The following WWOX variants were observed in gnomAD, a reference collection of about 807,000 sequenced individuals.
WWOX encodes WW domain containing oxidoreductase.
Under a neutral mutation model 46.2 loss-of-function variants are expected in WWOX, and 69 were observed. The observed-to-expected ratio is 1.49, with a 90% CI of 1.23 to 1.82. The LOEUF (loss-of-function observed/expected upper bound fraction) is 1.82, where lower values mean the gene tolerates loss of function less well. WWOX is among the 40% of genes most tolerant of loss of function. WWOX has a pLI of 0.00. For missense variants in WWOX, 919 were observed against 542.6 expected (o/e 1.69, Z -6.89); for synonymous variants, 359 against 202.6 (o/e 1.77, Z -6.56).
chr16:78,583,675 G>A (rs2045119252), intron 8 of WWOX, among the ~76,000 whole-genome samples: 1 of 152,214 alleles, frequency 6.6e-6, no homozygotes, highest in African/African-American at 2.4e-5. Flanking sequence ...TCAGGCAGCG[G>A]GTTGGGGGGG....
intron 5 of WWOX, among the ~76,000 whole-genome samples, chr16:78,324,129 C>G (rs375415524): frequency 6.6e-5 from 10 of 152,174 alleles, no homozygotes; most frequent in African/African-American, 2.4e-4. Flanking sequence ...CGTCTGTCTG[C>G]TTGATTCCAA....
At chr16:78,332,419 G>A (rs565000133) in intron 5 of WWOX, among the ~76,000 whole-genome samples, 8 of 152,266 alleles carry the variant, frequency 5.3e-5, no homozygotes, top group African/African-American at 9.6e-5. Context: ...CTCCTCCAGC[G>A]GAGTAGCCTG....
At chr16:78,435,438 A>C (rs557376721) in intron 8 of WWOX, among the ~76,000 whole-genome samples, 126 of 152,322 alleles carry the variant, frequency 8.3e-4, no homozygotes, top group African/African-American at 3.0e-3. Flanking sequence ...TGGGAGAAAC[A>C]AATGTCCTCT....
At chr16:78,977,301 C>T (rs944036520) in intron 8 of WWOX, among the ~76,000 whole-genome samples, 32 of 152,160 alleles carry the variant, frequency 2.1e-4, no homozygotes, top group African/African-American at 6.5e-4. Context: ...AATGGCCTCC[C>T]ACAGGGAAGC....
chr16:78,587,387 G>C (rs537442587), intron 8 of WWOX, among the ~76,000 whole-genome samples: 3 of 151,724 alleles, frequency 2.0e-5, no homozygotes, highest in African/African-American at 7.3e-5. Flanking sequence ...CAACCAAAGG[G>C]AGCATAACTC....
At chr16:79,011,787 C>T (rs1456444649) in intron 8 of WWOX, among the ~76,000 whole-genome samples, 1 of 152,032 alleles carries the variant, frequency 6.6e-6, no homozygotes, top group Non-Finnish European at 1.5e-5. Flanking sequence ...GCCACCATGC[C>T]CGGCCCCCTT....
intron 8 of WWOX, among the ~76,000 whole-genome samples, chr16:78,461,200 GTACT>G (rs1440018680): frequency 3.3e-5 from 5 of 152,140 alleles, no homozygotes; most frequent in Non-Finnish European, 7.3e-5. Flanking sequence ...ACTTTCTCAT[GTACT>G]TACTTTAAAT....
chr16:79,103,196 C>T (rs1160367043), intron 8 of WWOX, among the ~76,000 whole-genome samples: 1 of 152,204 alleles, frequency 6.6e-6, no homozygotes, highest in Non-Finnish European at 1.5e-5. Flanking sequence ...TTAGCCAAGG[C>T]CTTGACCTAT....
In WWOX at chr16:78,967,241, C is replaced by G. The variant is rs12449179; in HGVS notation, c.1057-244367C>G. ...CAAATCATGTTGCAAGTGGATGAAT[C>G]TAGCCCCAAACAACTGGGAGGCAAC... On this transcript the variant is annotated intron_variant, in intron 8 of 8. Coordinates refer to ENST00000566780, the MANE Select transcript of WWOX (RefSeq NM_016373.4). Among the ~76,000 whole-genome samples the G allele has an allele frequency of 6.8e-5, 10 of 147,802 alleles. No homozygotes were observed. The East Asian group carries it at 1.8e-3, about 27-fold the overall frequency.
chr16:78,486,580 G>GTTTTC (rs544886764), intron 8 of WWOX, among the ~76,000 whole-genome samples: 1,878 of 151,612 alleles, frequency 0.012, 32 homozygotes, highest in African/African-American at 0.043. Context: ...GTTTTGTTTT[G>GTTTTC]TTTTGTTTTG....
chr16:78,665,229 G>T (rs999114272), intron 8 of WWOX, among the ~76,000 whole-genome samples: 1 of 152,134 alleles, frequency 6.6e-6, no homozygotes, highest in East Asian at 1.9e-4. Context: ...TGGAGTCACG[G>T]GCTGAATTCC....
At chr16:78,897,236 T>TC (rs2044721662) in intron 8 of WWOX, 1 of 85,824 alleles carries the variant, frequency 1.2e-5, no homozygotes, top group Non-Finnish European at 2.1e-5. Context: ...AGTGAGACTG[T>TC]CTTTAAAAAA....
At chr16:79,126,830 C>T (rs1330946180) in intron 8 of WWOX, among the ~76,000 whole-genome samples, 2 of 151,962 alleles carry the variant, frequency 1.3e-5, no homozygotes, top group South Asian at 2.1e-4. Context: ...ACATGCAAAG[C>T]CACAGGGAAT....
chr16:78,374,443 T>G (rs113597076), intron 5 of WWOX, among the ~76,000 whole-genome samples: 1 of 151,826 alleles, frequency 6.6e-6, no homozygotes, highest in African/African-American at 2.4e-5. Context: ...CTGTAGCTAC[T>G]CCAAATGACG....
At chr16:78,677,897 T>C (rs1567483831) in intron 8 of WWOX, among the ~76,000 whole-genome samples, 1 of 152,202 alleles carries the variant, frequency 6.6e-6, no homozygotes, top group Non-Finnish European at 1.5e-5. Flanking sequence ...ATTAATGTTA[T>C]TTCTAAAAAG....
chr16:78,787,519 G>C lies in WWOX; in HGVS notation c.1056+354767G>C, dbSNP rs144385251. ...TACTTCATTCTTTTTATGGTTGAGT[G>C]ATATTCTGTTACATGGATATACCAC... On this transcript the variant is annotated intron_variant, in intron 8 of 8. Coordinates refer to ENST00000566780, the MANE Select transcript of WWOX (RefSeq NM_016373.4). Among the ~76,000 whole-genome samples the C allele has an allele frequency of 4.4e-3, 663 of 152,296 alleles. 4 individuals are homozygous for C. Among genetic ancestry groups the C allele is most frequent in the Non-Finnish European group, 7.2e-3 (487 of 68,016 alleles).
At chr16:78,642,625 C>T (rs977492721) in intron 8 of WWOX, among the ~76,000 whole-genome samples, 4 of 152,046 alleles carry the variant, frequency 2.6e-5, no homozygotes, top group Admixed American at 1.3e-4. Context: ...GGGCTACTGC[C>T]AGCTGAGATA....
At chr16:78,707,026 T>C (rs2048341695) in intron 8 of WWOX, among the ~76,000 whole-genome samples, 1 of 152,188 alleles carries the variant, frequency 6.6e-6, no homozygotes, top group Non-Finnish European at 1.5e-5. Context: ...ATGATCCATG[T>C]AAACCATGGA....
intron 8 of WWOX, among the ~76,000 whole-genome samples, chr16:78,959,274 T>C (rs915816911): frequency 6.6e-6 from 1 of 152,208 alleles, no homozygotes; most frequent in Admixed American, 6.5e-5. Flanking sequence ...TTGAACTTAA[T>C]TCATTTATTT....
Sources: gnomAD v4.1 joint callset for allele counts (sites outside exome capture counted in the v4.1 genomes callset) on GRCh38, gnomAD v4.1.1 for gene constraint, MANE v1.5 for transcripts, NCBI Gene and HGNC (gene_info 2026-07-23, HGNC 2026-07-21) for gene names.